Variants in TYW1B observed in about 807,000 individuals in gnomAD.
TYW1B encodes the protein tRNA-yW synthesizing protein 1 homolog B, also known as S-adenosyl-L-methionine-dependent tRNA 4-demethylwyosine synthase TYW1B.
Under a neutral mutation model 86.9 loss-of-function variants are expected in TYW1B, and 73 were observed. The observed-to-expected ratio is 0.84, with a 90% CI of 0.70 to 1.02. The LOEUF (loss-of-function observed/expected upper bound fraction) is 1.02, where lower values mean the gene tolerates loss of function less well. Among genes scored for constraint, TYW1B ranks in the 50% least tolerant of loss-of-function variants. TYW1B has a pLI of 0.00. For missense variants in TYW1B, 637 were observed against 827.4 expected, an observed-to-expected ratio of 0.77 and a Z score of 2.82; for synonymous variants, 248 against 292.8, an observed-to-expected ratio of 0.85 and a Z score of 1.56.
chr7:72,676,945 G>A (rs1437260798), intron 11 of TYW1B, among the ~76,000 whole-genome samples: 10 of 151,890 alleles, frequency 6.6e-5, no homozygotes, highest in African/African-American at 1.7e-4. Flanking sequence ...GTGACAGAGC[G>A]AGAGACTGTC....
At chr7:72,714,565 G>C (rs1285431732) in intron 9 of TYW1B, among the ~76,000 whole-genome samples, 1 of 152,068 alleles carries the variant, frequency 6.6e-6, no homozygotes, top group African/African-American at 2.4e-5. Flanking sequence ...TGAGGCTGCA[G>C]TGAACCACTA....
At chr7:72,628,793 T>C (rs1329117718) in intron 12 of TYW1B, 94 bp downstream of exon 12, 95 of 911,792 alleles carry the variant, frequency 1.0e-4, no homozygotes, top group Non-Finnish European at 1.5e-4. Context: ...CTGGGACCTC[T>C]AGAGTTTTAC....
At chr7:72,611,676 T>C (rs1263960379) in intron 13 of TYW1B, among the ~76,000 whole-genome samples, 5 of 152,184 alleles carry the variant, frequency 3.3e-5, no homozygotes, top group East Asian at 1.9e-4. Flanking sequence ...ACAGGGACCA[T>C]TGTTTACTCA....
intron 12 of TYW1B, among the ~76,000 whole-genome samples, chr7:72,625,680 A>T (rs1812326958): frequency 6.6e-6 from 1 of 151,856 alleles, no homozygotes; most frequent in Non-Finnish European, 1.5e-5. Context: ...AACAAAACAA[A>T]ACAAAACATC....
intron 2 of TYW1B, among the ~76,000 whole-genome samples, chr7:72,819,204 G>A (rs1345853610): frequency 9.2e-5 from 14 of 152,094 alleles, no homozygotes; most frequent in Admixed American, 5.2e-4. Context: ...AGAGCCACAC[G>A]TGTAGGATCT....
At chr7:72,703,170 G>A (rs1393949707) in intron 10 of TYW1B, among the ~76,000 whole-genome samples, 4 of 151,004 alleles carry the variant, frequency 2.6e-5, no homozygotes, top group Non-Finnish European at 4.4e-5. Flanking sequence ...GACTACAGGC[G>A]CCCACCACTG....
intron 8 of TYW1B, among the ~76,000 whole-genome samples, chr7:72,739,286 A>G (rs78171297): frequency 6.6e-6 from 1 of 152,024 alleles, no homozygotes; most frequent in Admixed American, 6.6e-5. Flanking sequence ...CGTTAAAAAA[A>G]CTCTATAATA....
At chr7:72,685,047 G>C (rs1451351363) in intron 11 of TYW1B, among the ~76,000 whole-genome samples, 1 of 151,738 alleles carries the variant, frequency 6.6e-6, no homozygotes, top group African/African-American at 2.4e-5. Context: ...GGGAGGCGGA[G>C]GTTGCAGTGC....
chr7:72,741,646 C>CT (rs1405003734), intron 8 of TYW1B, among the ~76,000 whole-genome samples: 3 of 152,120 alleles, frequency 2.0e-5, no homozygotes, highest in Non-Finnish European at 2.9e-5. Context: ...TCAACAAACT[C>CT]TAAGTAGTAC....
chr7:72,702,982 CTATCTATATA>C (rs1372778171), intron 10 of TYW1B, among the ~76,000 whole-genome samples: 2 of 10,168 alleles, frequency 2.0e-4, no homozygotes, highest in African/African-American at 8.9e-4. Flanking sequence ...ATCTATCTAT[CTATCTATATA>C]TATATATATA....
chr7:72,773,489 G>C (rs1438272860), intron 7 of TYW1B, among the ~76,000 whole-genome samples: 3 of 152,178 alleles, frequency 2.0e-5, no homozygotes, highest in South Asian at 2.1e-4. Flanking sequence ...GTAGCAAAGA[G>C]AGACGACCCA....
chr7:72,655,355 A>C (rs1554443471), intron 11 of TYW1B, among the ~76,000 whole-genome samples: 1 of 152,158 alleles, frequency 6.6e-6, no homozygotes, highest in African/African-American at 2.4e-5. Context: ...ACCGTTCCAG[A>C]GAGAGAATTC....
intron 8 of TYW1B, among the ~76,000 whole-genome samples, chr7:72,742,050 A>T (rs1787313150): frequency 6.6e-6 from 1 of 152,224 alleles, no homozygotes; most frequent in African/African-American, 2.4e-5. Context: ...TATACAAAGA[A>T]CAACATAAAG....
chr7:72,588,795 T>G (rs2129567770), intron 13 of TYW1B, among the ~76,000 whole-genome samples: 1 of 151,738 alleles, frequency 6.6e-6, no homozygotes, highest in African/African-American at 2.4e-5. Context: ...GTGTCCTATT[T>G]GCCCTTGGAC....
At position 72,643,309 on chromosome 7, in the gene TYW1B, C is replaced by T. The variant is rs542455752; in HGVS notation, c.1507-14312G>A. ...TTAATGGAAAGAATAAGAAACAGGCCGGCCACAGTGCTCACGGCTGTAATC... is the reference window on the plus strand; with the variant it reads ...TTAATGGAAAGAATAAGAAACAGGCTGGCCACAGTGCTCACGGCTGTAATC... On this transcript the variant is annotated intron_variant, in intron 11 of 13. Transcript: ENST00000620995. Among the ~76,000 whole-genome samples, 88 of 152,050 alleles carry T rather than the reference C, an allele frequency of 5.8e-4. 2 individuals are homozygous for T. The South Asian group carries it at 0.017, about 29-fold the overall frequency.
At chr7:72,703,010 ATATATATATATATATAT>A (rs1470098223) in intron 10 of TYW1B, among the ~76,000 whole-genome samples, 921 of 30,344 alleles carry the variant, frequency 0.03, 42 homozygotes, top group Non-Finnish European at 0.043. Context: ...ATATATATAT[ATATATATATATATATAT>A]TTTTTTTTTT....
At position 72,828,082 on chromosome 7, in the gene TYW1B, C is replaced by T; in HGVS notation, c.-7G>A. On this transcript the variant is annotated 5_prime_UTR_variant, in exon 1 of 14. Transcript: ENST00000620995. ...GCCGAGTGCCCTTACCCATCCTCCT[C>T]AGAGCCGACAGGAGACTAGGATCTC... 6.2e-7 allele frequency: 1 copy of T among 1,613,992 alleles called. No homozygotes were observed. The highest frequency in any genetic ancestry group is 8.5e-7 in the Non-Finnish European group (1 of 1,179,938).
At chr7:72,767,189 A>G (rs1228708575) in intron 7 of TYW1B, among the ~76,000 whole-genome samples, 20 of 152,168 alleles carry the variant, frequency 1.3e-4, no homozygotes, top group African/African-American at 4.6e-4. Flanking sequence ...TTCTCTGCCA[A>G]CGTCATCTGC....
chr7:72,605,544 G>A (rs1811773497), intron 13 of TYW1B, among the ~76,000 whole-genome samples: 1 of 151,932 alleles, frequency 6.6e-6, no homozygotes, highest in Non-Finnish European at 1.5e-5. Context: ...AGTAGAGATG[G>A]GGTTTCACCA....
Sources: gnomAD v4.1 joint callset for allele counts (sites outside exome capture counted in the v4.1 genomes callset) on GRCh38, gnomAD v4.1.1 for gene constraint, MANE v1.5 for transcripts, NCBI Gene and HGNC (gene_info 2026-07-23, HGNC 2026-07-21) for gene names.